Variants in TBCA observed in about 807,000 individuals in gnomAD.
TBCA encodes tubulin folding cofactor A.
In TBCA, 6 loss-of-function variants were observed where a neutral mutation model predicts 15.8. That is an observed-to-expected ratio of 0.38 (90% CI 0.21 to 0.75). TBCA has a LOEUF of 0.75. Among genes scored for constraint, TBCA ranks in the 30% least tolerant of loss-of-function variants. The pLI is 0.46. For synonymous variants in TBCA, 32 were observed against 42.3 expected (o/e 0.76, Z 0.94); for missense variants, 90 against 131.2 (o/e 0.69, Z 1.53).
chr5:77,766,454 G>A (rs944067326), intron 1 of TBCA, among the ~76,000 whole-genome samples: 3 of 151,762 alleles, frequency 2.0e-5, no homozygotes, highest in Non-Finnish European at 4.4e-5. Flanking sequence ...ACTTAACAGC[G>A]GTTGTTTCTC....
At chr5:77,720,431 C>T (rs76467505) in intron 1 of TBCA, among the ~76,000 whole-genome samples, 3,058 of 152,166 alleles carry the variant, frequency 0.02, 50 homozygotes, top group Non-Finnish European at 0.03. Context: ...AAAGCCAAGT[C>T]GGCCAGGCGC....
In TBCA at chr5:77,691,482, A is replaced by G. The variant is rs200451647; in HGVS notation, c.263T>C (p.Leu88Ser). The part of the protein sequence containing the change: ...LQRILENEKD[L>S]EEAEEYKEAR... ...TTCTTTATATTCCTCAGCTTCTTCCAAGTCTTTTTCATTTTCCTAAAATGA... is the reference window on the plus strand; with the variant it reads ...TTCTTTATATTCCTCAGCTTCTTCCGAGTCTTTTTCATTTTCCTAAAATGA... The change falls in exon 4 of 4, where the codon TTG becomes TCG. Residue 88 changes from leucine to serine, a missense_variant. Coordinates refer to ENST00000380377, the MANE Select transcript of TBCA (RefSeq NM_004607.3). The G allele has an allele frequency of 4.4e-6, 7 of 1,592,512 alleles. No individual in the cohort carries two copies. Among genetic ancestry groups the G allele is most frequent in the Non-Finnish European group, 6.0e-6 (7 of 1,174,488 alleles).
chr5:77,751,017 A>G (rs569766773), intron 1 of TBCA, among the ~76,000 whole-genome samples: 139 of 152,230 alleles, frequency 9.1e-4, no homozygotes, highest in Middle Eastern at 3.4e-3. Context: ...ATGCAGATGA[A>G]GCCTCCAGGT....
chr5:77,701,682 CATATATATAT>C (rs58679612), intron 2 of TBCA, among the ~76,000 whole-genome samples: 697 of 50,972 alleles, frequency 0.014, 4 homozygotes, highest in African/African-American at 0.024. Flanking sequence ...CTGTGGCATG[CATATATATAT>C]ATATATATAT....
At chr5:77,748,695 C>T (rs529825129) in intron 1 of TBCA, among the ~76,000 whole-genome samples, 13 of 152,242 alleles carry the variant, frequency 8.5e-5, no homozygotes, top group Admixed American at 5.9e-4. Context: ...GAAGTGCTGA[C>T]CCTCCTAATG....
chr5:77,693,040 A>G, intron 3 of TBCA: 1 of 1,427,410 alleles, frequency 7.0e-7, no homozygotes, highest in Non-Finnish European at 9.1e-7. Flanking sequence ...AACTAGCTAA[A>G]TTTTAATAAA....
chr5:77,761,247 T>C (rs1411007041), intron 1 of TBCA, among the ~76,000 whole-genome samples: 1 of 152,082 alleles, frequency 6.6e-6, no homozygotes, highest in Non-Finnish European at 1.5e-5. Context: ...CGTGTCTGTG[T>C]AGAAAGAAGT....
rs181034195 is a variant in TBCA at position 77,751,318 on chromosome 5, C to T, written c.53+24887G>A. ...CTGGGATTATAGGCGCCCACCACCA[C>T]GCCCAGCTAATTTTTTGTATTTTTT... is the stretch of plus-strand genomic sequence containing the variant. On this transcript the variant is annotated intron_variant, in intron 1 of 3. Transcript: ENST00000380377. Among the ~76,000 whole-genome samples, 61 of 151,982 alleles carry T rather than the reference C, an allele frequency of 4.0e-4. 1 individual carries two copies. In the East Asian group the frequency reaches 9.3e-3, roughly 23 times the overall value.
chr5:77,759,865 A>C (rs1368565597), intron 1 of TBCA, among the ~76,000 whole-genome samples: 1 of 152,204 alleles, frequency 6.6e-6, no homozygotes, highest in African/African-American at 2.4e-5. Flanking sequence ...ATTAGTAAAA[A>C]TTCAGAATTC....
At position 77,691,281 on chromosome 5, in the gene TBCA, A is replaced by T; in HGVS notation, c.*137T>A. ...TCATTTATTTGACATATTAAATTAG[A>T]CAAAGAAATATATATGTAACCAGAT... is the stretch of plus-strand genomic sequence containing the variant. On this transcript the variant is annotated 3_prime_UTR_variant, in exon 4 of 4. Transcript: ENST00000380377. 1 of 689,656 alleles carries T rather than the reference A, an allele frequency of 1.5e-6. No homozygotes were observed. The highest frequency in any genetic ancestry group is 2.4e-6 in the Non-Finnish European group (1 of 418,814). 42.7% of individuals were successfully genotyped at this position (689,656 alleles called of 1,614,324 possible).
chr5:77,764,514 T>A (rs1468624739), intron 1 of TBCA, among the ~76,000 whole-genome samples: 1 of 141,688 alleles, frequency 7.1e-6, no homozygotes, highest in Non-Finnish European at 1.6e-5. Context: ...AAGTCTCCCA[T>A]CTTTATTTTT....
At chr5:77,750,219 G>T (rs1161009139) in intron 1 of TBCA, among the ~76,000 whole-genome samples, 1 of 150,952 alleles carries the variant, frequency 6.6e-6, no homozygotes, top group African/African-American at 2.4e-5. Context: ...TGCCATGTAT[G>T]ATATACATAT....
chr5:77,715,834 T>C (rs951567888), intron 1 of TBCA, among the ~76,000 whole-genome samples: 1 of 152,220 alleles, frequency 6.6e-6, no homozygotes, highest in Non-Finnish European at 1.5e-5. Context: ...GTGTCATTAA[T>C]TCCTTCAAAC....
chr5:77,694,498 T>C (rs1745829629), intron 2 of TBCA, among the ~76,000 whole-genome samples: 1 of 152,194 alleles, frequency 6.6e-6, no homozygotes, highest in African/African-American at 2.4e-5. Context: ...ACCCAATTGA[T>C]AAGAGTAAAT....
At chr5:77,757,371 C>G (rs895798819) in intron 1 of TBCA, among the ~76,000 whole-genome samples, 14 of 152,204 alleles carry the variant, frequency 9.2e-5, no homozygotes, top group African/African-American at 3.4e-4. Flanking sequence ...GAAAAAAACT[C>G]AAGCTCGCCT....
intron 1 of TBCA, among the ~76,000 whole-genome samples, chr5:77,729,292 T>G (rs1746704464): frequency 6.6e-6 from 1 of 151,810 alleles, no homozygotes; most frequent in African/African-American, 2.4e-5. Context: ...CTAGCCTAGG[T>G]GGCAGAGTGA....
At chr5:77,758,335 G>A (rs1043472656) in intron 1 of TBCA, among the ~76,000 whole-genome samples, 59 of 152,286 alleles carry the variant, frequency 3.9e-4, no homozygotes, top group African/African-American at 1.4e-3. Context: ...AGAACCTGAT[G>A]TTATCCATGG....
At chr5:77,747,923 C>T (rs1015457464) in intron 1 of TBCA, among the ~76,000 whole-genome samples, 5 of 152,028 alleles carry the variant, frequency 3.3e-5, no homozygotes, top group Non-Finnish European at 5.9e-5. Context: ...TTATAATTTT[C>T]AAAAATATTC....
intron 1 of TBCA, among the ~76,000 whole-genome samples, chr5:77,709,800 T>TTGGGC (rs1234610877): frequency 2.6e-5 from 4 of 152,150 alleles, no homozygotes; most frequent in African/African-American, 9.7e-5. Context: ...AAATGTGGTA[T>TTGGGC]ATCCAGAAAA....
Sources: gnomAD v4.1 joint callset for allele counts (sites outside exome capture counted in the v4.1 genomes callset) on GRCh38, gnomAD v4.1.1 for gene constraint, MANE v1.5 for transcripts, NCBI Gene and HGNC (gene_info 2026-07-23, HGNC 2026-07-21) for gene names.